Variants in LRGUK observed in about 807,000 individuals in gnomAD.
The protein encoded by LRGUK is leucine-rich repeat and guanylate kinase domain-containing protein.
In LRGUK, 65 loss-of-function variants were observed where a neutral mutation model predicts 76.0. The observed-to-expected ratio is 0.85, with a 90% confidence interval of 0.70 to 1.05. LRGUK has a LOEUF of 1.05. Ranked by LOEUF, LRGUK falls within the 50% of genes least tolerant of loss-of-function variation. The pLI is 0.00. For missense variants in LRGUK, 758 were observed against 732.8 expected (o/e 1.03, Z -0.40); for synonymous variants, 268 against 265.6 (o/e 1.01, Z -0.09).
downstream of LRGUK, among the ~76,000 whole-genome samples, chr7:134,214,344 A>G (rs1366185151): frequency 6.6e-6 from 1 of 152,206 alleles, no homozygotes; most frequent in Non-Finnish European, 1.5e-5. Context: ...TTTCTGGGGC[A>G]CAGTTTTACA....
intron 7 of LRGUK, among the ~76,000 whole-genome samples, chr7:134,173,809 T>C (rs1799361506): frequency 6.6e-6 from 1 of 152,174 alleles, no homozygotes; most frequent in South Asian, 2.1e-4. Flanking sequence ...TAAAGCCATA[T>C]ATGTACATGC....
the LRGUK span, among the ~76,000 whole-genome samples, chr7:134,271,143 A>T: frequency 1.4e-4 from 22 of 152,112 alleles, no homozygotes; most frequent in African/African-American, 3.9e-4. Flanking sequence ...TGTTTTGCCC[A>T]ATTTTAAATT....
chr7:134,225,354 C>G (rs1801716048), intron 16 of LRGUK, among the ~76,000 whole-genome samples: 2 of 152,100 alleles, frequency 1.3e-5, no homozygotes, highest in Non-Finnish European at 2.9e-5. Context: ...CACCAGATTG[C>G]TCCTTGCCTG....
At chr7:134,131,796 T>G (rs1446158778) in intron 1 of LRGUK, among the ~76,000 whole-genome samples, 2 of 151,670 alleles carry the variant, frequency 1.3e-5, no homozygotes, top group African/African-American at 2.4e-5. Flanking sequence ...CGTTAAGGAG[T>G]TGGATATATG....
intron 11 of LRGUK, among the ~76,000 whole-genome samples, chr7:134,185,654 G>C (rs901856849): frequency 3.9e-5 from 6 of 151,990 alleles, no homozygotes; most frequent in African/African-American, 1.5e-4. Flanking sequence ...TAGATTAGTG[G>C]TGCCTGTCAG....
chr7:134,274,405 A>G, the LRGUK span, among the ~76,000 whole-genome samples: 2 of 152,172 alleles, frequency 1.3e-5, no homozygotes, highest in Admixed American at 1.3e-4. Context: ...TTTTGCCTTA[A>G]GATAATGTGG....
chr7:134,199,922 A>G (rs1800678072), intron 14 of LRGUK, among the ~76,000 whole-genome samples: 1 of 145,588 alleles, frequency 6.9e-6, no homozygotes, highest in Non-Finnish European at 1.5e-5. Context: ...GAAAATTTCT[A>G]TATATATATG....
intron 18 of LRGUK, among the ~76,000 whole-genome samples, chr7:134,257,068 C>T (rs1327731504): frequency 6.6e-6 from 1 of 152,106 alleles, no homozygotes; most frequent in Non-Finnish European, 1.5e-5. Flanking sequence ...TCAAAGCTGT[C>T]CCCCTTGCTG....
intron 12 of LRGUK, among the ~76,000 whole-genome samples, chr7:134,192,209 A>G (rs535804349): frequency 6.6e-6 from 1 of 152,126 alleles, no homozygotes; most frequent in Admixed American, 6.5e-5. Flanking sequence ...AATTGTTACA[A>G]CCCTAAGCAC....
chr7:134,215,778 C>A (rs369863826), intron 15 of LRGUK, among the ~76,000 whole-genome samples: 1 of 152,022 alleles, frequency 6.6e-6, no homozygotes, highest in African/African-American at 2.4e-5. Flanking sequence ...AATTTAATTG[C>A]GTAGTCCAAT....
intron 7 of LRGUK, among the ~76,000 whole-genome samples, chr7:134,166,478 G>A (rs565667660): frequency 1.3e-5 from 2 of 152,130 alleles, no homozygotes; most frequent in East Asian, 1.9e-4. Context: ...GAGTGACTTC[G>A]AAAAACGCTG....
At chr7:134,260,637 G>C (rs1802698451) in intron 19 of LRGUK, among the ~76,000 whole-genome samples, 1 of 152,114 alleles carries the variant, frequency 6.6e-6, no homozygotes, top group African/African-American at 2.4e-5. Flanking sequence ...AGTAGACACA[G>C]TTGCTTTTAA....
chr7:134,132,217 T>C lies in LRGUK; in HGVS notation c.297+4553T>C, dbSNP rs990451395. 4.6e-5 allele frequency among the ~76,000 whole-genome samples: 7 copies of C among 152,182 alleles called. No homozygotes were observed. The South Asian group carries it at 1.5e-3, about 32-fold the overall frequency. ...TTTTAAAAAATTAGCCGACCAGCCATAGTGGTATGCACCTGTAGTCCCAGC... is the reference window on the plus strand; with the variant it reads ...TTTTAAAAAATTAGCCGACCAGCCACAGTGGTATGCACCTGTAGTCCCAGC... On this transcript the variant is annotated intron_variant, in intron 1 of 15. Coordinates refer to ENST00000645682, the Ensembl canonical transcript of LRGUK.
intron 2 of LRGUK, among the ~76,000 whole-genome samples, chr7:134,139,097 G>C (rs1029225545): frequency 2.0e-5 from 3 of 151,900 alleles, no homozygotes; most frequent in Non-Finnish European, 4.4e-5. Flanking sequence ...CTAGGTAAAG[G>C]CCTTGTCTTT....
intron 15 of LRGUK, among the ~76,000 whole-genome samples, chr7:134,204,465 T>C (rs1800919643): frequency 1.3e-5 from 2 of 152,202 alleles, no homozygotes; most frequent in Non-Finnish European, 2.9e-5. Context: ...TACTGACTAA[T>C]AGAATTCCAA....
chr7:134,169,051 A>G (rs1799121543), intron 7 of LRGUK, among the ~76,000 whole-genome samples: 2 of 152,000 alleles, frequency 1.3e-5, no homozygotes, highest in South Asian at 4.2e-4. Context: ...GATGTAATCA[A>G]GTTCAGGATC....
chr7:134,174,841 A>G (rs1285300518), intron 8 of LRGUK, among the ~76,000 whole-genome samples: 1 of 152,164 alleles, frequency 6.6e-6, no homozygotes, highest in Non-Finnish European at 1.5e-5. Context: ...ATCTTCTCTC[A>G]TGACTAACAA....
At chr7:134,201,791 G>A (rs1376783042) in intron 15 of LRGUK, among the ~76,000 whole-genome samples, 3 of 152,084 alleles carry the variant, frequency 2.0e-5, no homozygotes, top group Non-Finnish European at 2.9e-5. Context: ...TGGACCTCCA[G>A]GTACTGCCCT....
At chr7:134,227,240 A>G (rs891076097) in intron 16 of LRGUK, among the ~76,000 whole-genome samples, 1 of 152,164 alleles carries the variant, frequency 6.6e-6, no homozygotes, top group African/African-American at 2.4e-5. Context: ...AACTAGGACA[A>G]TAACATCGAA....
Sources: allele counts gnomAD v4.1 joint callset (sites outside exome capture counted in the v4.1 genomes callset), GRCh38; gene constraint gnomAD v4.1.1; transcripts MANE v1.5; gene names NCBI Gene and HGNC (gene_info 2026-07-23, HGNC 2026-07-21).